Variants in BCAS3 observed in about 807,000 individuals in gnomAD.
The protein encoded by BCAS3 is BCAS3 microtubule associated cell migration factor.
A neutral mutation model predicts 116.1 loss-of-function variants in BCAS3; 53 were observed. That is an observed-to-expected ratio of 0.46 (90% confidence interval 0.37 to 0.57). BCAS3 has a LOEUF of 0.57. Ranked by LOEUF, BCAS3 falls within the 20% of genes least tolerant of loss-of-function variation. The pLI is 0.00. For missense variants in BCAS3, 917 were observed against 1,165.4 expected (o/e 0.79, Z 3.10); for synonymous variants, 391 against 408.2 (o/e 0.96, Z 0.51).
intron 22 of BCAS3, among the ~76,000 whole-genome samples, chr17:61,137,009 T>A (rs947340764): frequency 6.6e-6 from 1 of 152,096 alleles, no homozygotes; most frequent in African/African-American, 2.4e-5. Context: ...TCAATAAAAC[T>A]TTTTTAAAAA....
intron 7 of BCAS3, among the ~76,000 whole-genome samples, chr17:60,863,305 C>T (rs143365921): frequency 6.6e-6 from 1 of 152,238 alleles, no homozygotes; most frequent in Non-Finnish European, 1.5e-5. Context: ...ACTATTGCAG[C>T]TTTATATGTC....
chr17:60,992,611 C>T (rs2063598244), intron 15 of BCAS3, among the ~76,000 whole-genome samples: 2 of 152,084 alleles, frequency 1.3e-5, no homozygotes, highest in Admixed American at 6.6e-5. Context: ...CATTTGTACA[C>T]CAAACCTCAG....
In BCAS3 at chr17:61,132,784, C is replaced by T. The variant is rs995939945; in HGVS notation, c.2425+48220C>T. 3.3e-5 allele frequency among the ~76,000 whole-genome samples: 5 copies of T among 152,094 alleles called. No homozygotes were observed. The highest frequency in any genetic ancestry group is 9.7e-5 in the African/African-American group (4 of 41,412). On this transcript the variant is annotated intron_variant, in intron 22 of 23. Coordinates refer to ENST00000407086, the MANE Select transcript of BCAS3 (RefSeq NM_017679.5). This position sits in a 1 kb window ranked among gnomAD's most constrained non-coding sequence, Gnocchi z 5.1. ...AAGATAGAGTCCACTCCCCTATCCC[C>T]GTCAATGAGAAGAAGCTCCTTACCA...
intron 22 of BCAS3, among the ~76,000 whole-genome samples, chr17:61,289,867 C>T (rs2052215641): frequency 1.3e-5 from 2 of 152,168 alleles, no homozygotes; most frequent in East Asian, 1.9e-4. Context: ...GCCATAAAAG[C>T]GAAGAGAGGT....
intron 22 of BCAS3, among the ~76,000 whole-genome samples, chr17:61,096,359 C>G (rs2073972633): frequency 6.6e-6 from 1 of 151,924 alleles, no homozygotes; most frequent in Non-Finnish European, 1.5e-5. Context: ...GTATCCCAGC[C>G]TGGGCAATAT....
In BCAS3 at chr17:61,196,287, C is replaced by T. The variant is rs370463155; in HGVS notation, c.2425+111723C>T. ...GTGACATTTGCCCAAAGGGAAACAC[C>T]GGTCCCTTGGATTACACTGTGCATC... On this transcript the variant is annotated intron_variant, in intron 22 of 23. Transcript: ENST00000407086. The surrounding 1 kb of genome is among the most constrained non-coding windows in gnomAD (Gnocchi z 4.7). Among the ~76,000 whole-genome samples the T allele has an allele frequency of 6.6e-6, 1 of 152,146 alleles. No homozygotes were observed. Among genetic ancestry groups the T allele is most frequent in the Non-Finnish European group, 1.5e-5 (1 of 68,028 alleles).
At position 60,795,070 on chromosome 17, in the gene BCAS3, C is replaced by T. The variant is rs547122478; in HGVS notation, c.404-12934C>T. 3.3e-5 allele frequency among the ~76,000 whole-genome samples: 5 copies of T among 152,222 alleles called. No individual in the cohort carries two copies. The South Asian group carries it at 1.0e-3, about 32-fold the overall frequency. Reference sequence around the variant, plus strand: ...GGGATATGTCTCCATTTGTTTTTGTCATCTGTGATTTCTTTCAGCAGTGTT... The same window carrying T: ...GGGATATGTCTCCATTTGTTTTTGTTATCTGTGATTTCTTTCAGCAGTGTT... On this transcript the variant is annotated intron_variant, in intron 6 of 23. Transcript: ENST00000407086.
rs551029366 is a variant in BCAS3 at position 61,097,293 on chromosome 17, C to T, written c.2425+12729C>T. On this transcript the variant is annotated intron_variant, in intron 22 of 23. Transcript: ENST00000407086. This position sits in a 1 kb window ranked among gnomAD's most constrained non-coding sequence, Gnocchi z 4.0. ...TCCCGGGTTCATGCCATTCTCTTGC[C>T]TCAGCCTCCCGAGTAGCTGGGACTA... 2.0e-5 allele frequency among the ~76,000 whole-genome samples: 3 copies of T among 152,176 alleles called. No individual in the cohort carries two copies. The highest frequency in any genetic ancestry group is 2.9e-5 in the Non-Finnish European group (2 of 68,038).
rs1238014259 is a variant in BCAS3 at position 61,180,444 on chromosome 17, G to A, written c.2425+95880G>A. On this transcript the variant is annotated intron_variant, in intron 22 of 23. Transcript: ENST00000407086. This position sits in a 1 kb window ranked among gnomAD's most constrained non-coding sequence, Gnocchi z 6.0. ...GGGAGCCACTGGGTAGAAATAATTTGGCTAAAATTCTGGCCCAGTGTTGTC... is the reference window on the plus strand; with the variant it reads ...GGGAGCCACTGGGTAGAAATAATTTAGCTAAAATTCTGGCCCAGTGTTGTC... Among the ~76,000 whole-genome samples the A allele has an allele frequency of 6.6e-6, 1 of 152,196 alleles. No individual in the cohort carries two copies. Among genetic ancestry groups the A allele is most frequent in the African/African-American group, 2.4e-5 (1 of 41,440 alleles).
chr17:61,087,114 A>G lies in BCAS3; in HGVS notation c.2425+2550A>G. ...TAGATTCTTCTGTTAAAAAGAATCT[A>G]ATAAATTTTTATAATTGCTCTTGAA... On this transcript the variant is annotated intron_variant, in intron 22 of 23. Coordinates refer to ENST00000407086, the MANE Select transcript of BCAS3 (RefSeq NM_017679.5). The surrounding 1 kb of genome is among the most constrained non-coding windows in gnomAD (Gnocchi z 4.6). 1 of 984,786 alleles carries G rather than the reference A, an allele frequency of 1.0e-6. No individual in the cohort carries two copies. Among genetic ancestry groups the G allele is most frequent in the Non-Finnish European group, 1.2e-6 (1 of 829,332 alleles). The allele number at this position is 984,786 out of a possible 1,614,324, so 61.0% of individuals were successfully genotyped here.
rs1456046953 is a variant in BCAS3 at position 61,356,729 on chromosome 17, C to T, written c.2426-11598C>T. On this transcript the variant is annotated intron_variant, in intron 22 of 23. Coordinates refer to ENST00000407086, the MANE Select transcript of BCAS3 (RefSeq NM_017679.5). This position sits in a 1 kb window ranked among gnomAD's most constrained non-coding sequence, Gnocchi z 5.4. ...ACTCCTTCCAGAGTTGTTCTTCTAG[C>T]CCTTTCTGATCTGATGTATGAAATT... 1 of 152,222 alleles carries T rather than the reference C, an allele frequency of 6.6e-6. No homozygotes were observed. The highest frequency in any genetic ancestry group is 1.5e-5 in the Non-Finnish European group (1 of 68,034). The allele number at this position is 152,222 out of a possible 1,614,324, so 9.4% of individuals were successfully genotyped here.
At chr17:60,729,431 C>T (rs941361447) in intron 5 of BCAS3, among the ~76,000 whole-genome samples, 1 of 150,062 alleles carries the variant, frequency 6.7e-6, no homozygotes, top group African/African-American at 2.5e-5. Flanking sequence ...AGAAATTGCC[C>T]AAGGTTTTCC....
chr17:61,067,607 T>C (rs775985160), intron 19 of BCAS3, among the ~76,000 whole-genome samples: 6 of 150,102 alleles, frequency 4.0e-5, no homozygotes, highest in Non-Finnish European at 8.9e-5. Flanking sequence ...TCCCAGCTAC[T>C]TGGGAGGCTG....
At chr17:61,167,914 C>T (rs1309945948) in intron 22 of BCAS3, among the ~76,000 whole-genome samples, 1 of 152,110 alleles carries the variant, frequency 6.6e-6, no homozygotes, top group East Asian at 1.9e-4. Context: ...TACTTTTCAT[C>T]GTCTTAGCCA....
rs36055285 is a variant in BCAS3, at chr17:60,990,165, G to C, written c.1416G>C (p.Thr472=). 72 of 1,614,058 alleles carry C rather than the reference G, an allele frequency of 4.5e-5. No homozygotes were observed. The highest frequency in any genetic ancestry group is 6.1e-5 in the Non-Finnish European group (72 of 1,180,038). ...AGLEEIEQEL[T]SKQGGRCSPV... is the part of the protein sequence containing the mutation. ...TGGAAGAGATTGAACAAGAACTGACGTCTAAGCAAGGAGGTCGCTGTAGCC... is the reference window on the plus strand; with the variant it reads ...TGGAAGAGATTGAACAAGAACTGACCTCTAAGCAAGGAGGTCGCTGTAGCC... Residue 472 remains threonine (T), a synonymous_variant, in exon 15 of 24, where the codon ACG becomes ACC. Transcript: ENST00000407086. This position sits in a 1 kb window ranked among gnomAD's most constrained non-coding sequence, Gnocchi z 5.1.
intron 7 of BCAS3, among the ~76,000 whole-genome samples, chr17:60,814,887 C>T (rs1215142069): frequency 6.6e-6 from 1 of 152,004 alleles, no homozygotes; most frequent in African/African-American, 2.4e-5. Flanking sequence ...AGTCCTGTGC[C>T]TTCTAGATTC....
chr17:61,062,964 G>T (rs2070221615), intron 19 of BCAS3, among the ~76,000 whole-genome samples: 4 of 152,172 alleles, frequency 2.6e-5, no homozygotes, highest in Non-Finnish European at 5.9e-5. Flanking sequence ...CAAGAATATT[G>T]TTGTGGTGGA....
chr17:61,092,899 CTTTTTTTTTTT>C (rs959718467), intron 22 of BCAS3, among the ~76,000 whole-genome samples: 9 of 79,544 alleles, frequency 1.1e-4, no homozygotes, highest in East Asian at 4.1e-4. Flanking sequence ...TTTGTCCAGT[CTTTTTTTTTTT>C]TTTTTTTTTT....
At chr17:60,927,656 C>G (rs2059432433) in intron 13 of BCAS3, among the ~76,000 whole-genome samples, 1 of 152,056 alleles carries the variant, frequency 6.6e-6, no homozygotes, top group Non-Finnish European at 1.5e-5. Flanking sequence ...TTTCCTTGTT[C>G]TGGTATTACA....
Sources: allele counts gnomAD v4.1 joint callset (sites outside exome capture counted in the v4.1 genomes callset), GRCh38; gene constraint gnomAD v4.1.1; non-coding constraint Gnocchi (gnomAD v3.1); transcripts MANE v1.5; gene names NCBI Gene and HGNC (gene_info 2026-07-23, HGNC 2026-07-21).